PRIMA1: variants seen among roughly 807,000 people sequenced by gnomAD.
The protein encoded by PRIMA1 is proline-rich membrane anchor 1.
PRIMA1 carries 7 observed loss-of-function variants against 17.5 expected under a neutral mutation model. The ratio of observed to expected loss-of-function variants is 0.40; its 90% CI spans 0.23 to 0.75. The LOEUF is 0.75. Ranked by LOEUF, PRIMA1 falls within the 30% of genes least tolerant of loss-of-function variation. The probability of loss-of-function intolerance (pLI) is 0.37; values close to 1 mark genes in which losing one functional copy is unlikely to be tolerated. For synonymous variants in PRIMA1, 97 were observed against 77.9 expected, an observed-to-expected ratio of 1.25 and a Z score of -1.29; for missense variants, 200 against 201.8, an observed-to-expected ratio of 0.99 and a Z score of 0.05.
At chr14:93,784,603 C>A (rs1885469519) in intron 2 of PRIMA1, among the ~76,000 whole-genome samples, 1 of 152,194 alleles carries the variant, frequency 6.6e-6, no homozygotes, top group African/African-American at 2.4e-5. Flanking sequence ...ACAACAGTGG[C>A]CTTACCTGGT....
rs1566962801 is a variant in PRIMA1 at position 93,726,926 on chromosome 14, G to T, written c.360-5380C>A. On this transcript the variant is annotated intron_variant, in intron 4 of 4. Coordinates refer to ENST00000393140, the MANE Select transcript of PRIMA1 (RefSeq NM_178013.4). The surrounding 1 kb of genome is among the most constrained non-coding windows in gnomAD (Gnocchi z 4.2). ...ACACATATGCATATGCATACCTACA[G>T]ACATATATCCCCACACTCATATACA... Among the ~76,000 whole-genome samples, 1 of 152,066 alleles carries T rather than the reference G, an allele frequency of 6.6e-6. No homozygotes were observed. The highest frequency in any genetic ancestry group is 1.5e-5 in the Non-Finnish European group (1 of 68,012).
At chr14:93,772,475 A>G (rs1451301131) in intron 3 of PRIMA1, among the ~76,000 whole-genome samples, 1 of 152,224 alleles carries the variant, frequency 6.6e-6, no homozygotes, top group Non-Finnish European at 1.5e-5. Flanking sequence ...GCTGGTACAC[A>G]TCTCCTTCCA....
At chr14:93,736,781 T>C (rs972186921) in intron 4 of PRIMA1, among the ~76,000 whole-genome samples, 1 of 152,290 alleles carries the variant, frequency 6.6e-6, no homozygotes, top group Non-Finnish European at 1.5e-5. Context: ...TTAGGAATGT[T>C]CTTAATGTGG....
chr14:93,776,550 A>G (rs1885226744), intron 3 of PRIMA1, among the ~76,000 whole-genome samples: 1 of 152,132 alleles, frequency 6.6e-6, no homozygotes, highest in Non-Finnish European at 1.5e-5. Flanking sequence ...ATCCACTCCA[A>G]TCCAACCCAC....
rs141449447 is a variant in PRIMA1 at position 93,718,602 on chromosome 14, T to C, written c.*2842A>G. 5.2e-3 allele frequency: 791 copies of C among 152,410 alleles called. 8 individuals carry two copies. The highest frequency in any genetic ancestry group is 9.0e-3 in the Non-Finnish European group (612 of 68,008). The allele number at this position is 152,410 out of a possible 1,614,324, so 9.4% of individuals were successfully genotyped here. ...TACCTGGGCAGTTTAACTCATACTT[T>C]GTACAGATGCAGAGAGTACAGTAGT... On this transcript the variant is annotated 3_prime_UTR_variant, in exon 5 of 5. Coordinates refer to ENST00000393140, the MANE Select transcript of PRIMA1 (RefSeq NM_178013.4).
At chr14:93,761,984 C>T (rs1049480524) in intron 3 of PRIMA1, among the ~76,000 whole-genome samples, 2 of 152,236 alleles carry the variant, frequency 1.3e-5, no homozygotes, top group African/African-American at 2.4e-5. Context: ...TAGGACACCC[C>T]TCACATGGTA....
intron 3 of PRIMA1, among the ~76,000 whole-genome samples, chr14:93,758,858 C>T (rs913807214): frequency 2.0e-5 from 3 of 152,064 alleles, no homozygotes; most frequent in Non-Finnish European, 4.4e-5. Flanking sequence ...CCTCCAGAGG[C>T]CTGCATGTTG....
chr14:93,784,701 C>T (rs1163985945), intron 2 of PRIMA1, among the ~76,000 whole-genome samples: 1 of 152,160 alleles, frequency 6.6e-6, no homozygotes, highest in African/African-American at 2.4e-5. Flanking sequence ...TCATTTGCAT[C>T]CTAACTTCTC....
intron 3 of PRIMA1, among the ~76,000 whole-genome samples, chr14:93,755,425 T>C (rs569690354): frequency 6.3e-4 from 96 of 152,284 alleles, no homozygotes; most frequent in African/African-American, 2.2e-3. Context: ...TTTTCAGATG[T>C]AGGACTCCAA....
At position 93,762,294 on chromosome 14, in the gene PRIMA1, G is replaced by T. The variant is rs767611959; in HGVS notation, c.229+16882C>A. Among the ~76,000 whole-genome samples the T allele has an allele frequency of 2.0e-5, 3 of 152,202 alleles. No homozygotes were observed. The East Asian group carries it at 5.8e-4, about 29-fold the overall frequency. ...AAACCATTCCCCTCCCCTTTTAATT[G>T]CACCAGTAGCCAGTCATTTACTGGC... is the stretch of plus-strand genomic sequence containing the variant. On this transcript the variant is annotated intron_variant, in intron 3 of 4. Transcript: ENST00000393140.
chr14:93,782,429 G>A (rs1267913553), intron 2 of PRIMA1, among the ~76,000 whole-genome samples: 1 of 152,060 alleles, frequency 6.6e-6, no homozygotes, highest in Non-Finnish European at 1.5e-5. Context: ...CATCAGCCTG[G>A]GCAATAGAGT....
At chr14:93,740,210 T>C (rs946636995) in intron 3 of PRIMA1, among the ~76,000 whole-genome samples, 4 of 152,070 alleles carry the variant, frequency 2.6e-5, no homozygotes, top group Non-Finnish European at 1.5e-5. Context: ...GAATATAGCA[T>C]TGAAAATAGG....
At chr14:93,769,637 G>A (rs1441287123) in intron 3 of PRIMA1, among the ~76,000 whole-genome samples, 2 of 152,236 alleles carry the variant, frequency 1.3e-5, no homozygotes, top group African/African-American at 2.4e-5. Flanking sequence ...CGCCTGCAGG[G>A]AAGGCGGGTC....
At chr14:93,748,984 T>A (rs938030478) in intron 3 of PRIMA1, among the ~76,000 whole-genome samples, 1 of 152,122 alleles carries the variant, frequency 6.6e-6, no homozygotes, top group Non-Finnish European at 1.5e-5. Context: ...CACTGCCTGA[T>A]AGAATTAATT....
At chr14:93,783,207 A>G (rs1885431417) in intron 2 of PRIMA1, among the ~76,000 whole-genome samples, 2 of 152,156 alleles carry the variant, frequency 1.3e-5, no homozygotes, top group African/African-American at 2.4e-5. Context: ...AACAATCATG[A>G]CTTTCTGAGC....
intron 4 of PRIMA1, among the ~76,000 whole-genome samples, chr14:93,732,013 G>A (rs907144655): frequency 1.3e-5 from 2 of 152,240 alleles, no homozygotes. Context: ...GCTTGCTTAA[G>A]GTCAGCAATT....
intron 2 of PRIMA1, among the ~76,000 whole-genome samples, chr14:93,787,021 C>CT (rs536682183): frequency 1.3e-4 from 17 of 133,170 alleles, no homozygotes; most frequent in African/African-American, 4.8e-4. Flanking sequence ...GATGCGCATT[C>CT]TGGGGGGGAC....
At position 93,752,427 on chromosome 14, in the gene PRIMA1, C is replaced by A. The variant is rs183351862; in HGVS notation, c.230-15057G>T. On this transcript the variant is annotated intron_variant, in intron 3 of 4. Transcript: ENST00000393140. Reference sequence around the variant, plus strand: ...GGTCATATTCCAACCCCACGCGGGGCCCCTCACTCCCTCTCTCTTTCAGCA... The same window carrying A: ...GGTCATATTCCAACCCCACGCGGGGACCCTCACTCCCTCTCTCTTTCAGCA... Among the ~76,000 whole-genome samples, 312 of 152,280 alleles carry A rather than the reference C, an allele frequency of 2.0e-3. 1 individual carries two copies. Among genetic ancestry groups the A allele is most frequent in the African/African-American group, 7.2e-3 (301 of 41,556 alleles).
upstream of PRIMA1, among the ~76,000 whole-genome samples, chr14:93,788,893 G>T (rs910328827): frequency 3.9e-5 from 6 of 152,096 alleles, no homozygotes; most frequent in Non-Finnish European, 5.9e-5. Flanking sequence ...GTGGCGCCGC[G>T]CGGCTGCCCG....
Sources: allele counts gnomAD v4.1 joint callset (sites outside exome capture counted in the v4.1 genomes callset), GRCh38; gene constraint gnomAD v4.1.1; non-coding constraint Gnocchi (gnomAD v3.1); transcripts MANE v1.5; gene names NCBI Gene and HGNC (gene_info 2026-07-23, HGNC 2026-07-21).